FAM83B: variants seen among roughly 807,000 people sequenced by gnomAD.
The protein encoded by FAM83B is protein FAM83B.
In FAM83B, 26 loss-of-function variants were observed where a neutral mutation model predicts 38.8. The observed-to-expected ratio is 0.67, with a 90% CI of 0.49 to 0.93. The LOEUF is 0.93. Among genes scored for constraint, FAM83B ranks in the 40% least tolerant of loss-of-function variants. The probability of loss-of-function intolerance (pLI) is 0.00; values close to 1 mark genes in which losing one functional copy is unlikely to be tolerated. For missense variants in FAM83B, 1,237 were observed against 1,197.3 expected (o/e 1.03, Z -0.49); for synonymous variants, 419 against 423.1 (o/e 0.99, Z 0.12).
At chr6:54,875,891 G>T (rs1036881059) in intron 2 of FAM83B, among the ~76,000 whole-genome samples, 1 of 152,112 alleles carries the variant, frequency 6.6e-6, no homozygotes, top group Admixed American at 6.5e-5. Flanking sequence ...CAAACTCGTG[G>T]TGCTATACAG....
At chr6:54,878,988 G>A (rs534767411) in intron 2 of FAM83B, among the ~76,000 whole-genome samples, 3 of 152,266 alleles carry the variant, frequency 2.0e-5, no homozygotes, top group Admixed American at 6.5e-5. Context: ...AACATAAGAC[G>A]ACTTCAACAT....
At chr6:54,915,021 A>G (rs1431514772) in intron 2 of FAM83B, among the ~76,000 whole-genome samples, 1 of 152,016 alleles carries the variant, frequency 6.6e-6, no homozygotes, top group Non-Finnish European at 1.5e-5. Flanking sequence ...GATGCCACTG[A>G]TATCTTCTAT....
chr6:54,864,818 A>G (rs1771663378), intron 1 of FAM83B, among the ~76,000 whole-genome samples: 1 of 152,192 alleles, frequency 6.6e-6, no homozygotes, highest in Non-Finnish European at 1.5e-5. Context: ...CCTTTATGAA[A>G]CATTTTCTTA....
Position 54,849,974 on chromosome 6 carries a change from T to C in FAM83B, c.-61+3148T>C, listed in dbSNP as rs545681948. Reference sequence around the variant, plus strand: ...TTATCTAATGGCTCTAACTTTGTGCTCTTTTACACTATCCCTTTGATTAAA... The same window carrying C: ...TTATCTAATGGCTCTAACTTTGTGCCCTTTTACACTATCCCTTTGATTAAA... On this transcript the variant is annotated intron_variant, in intron 1 of 4. Transcript: ENST00000306858. 8.5e-5 allele frequency among the ~76,000 whole-genome samples: 13 copies of C among 152,308 alleles called. No individual in the cohort carries two copies. The South Asian group carries it at 2.5e-3, about 29-fold the overall frequency.
chr6:54,869,849 A>G lies in FAM83B; in HGVS notation c.-60-338A>G, dbSNP rs577449856. Among the ~76,000 whole-genome samples, 95 of 152,328 alleles carry G rather than the reference A, an allele frequency of 6.2e-4. No individual in the cohort carries two copies. In the Middle Eastern group the frequency reaches 0.01, roughly 16 times the overall value. On this transcript the variant is annotated intron_variant, in intron 1 of 4. Coordinates refer to ENST00000306858, the MANE Select transcript of FAM83B (RefSeq NM_001010872.3). ...AAGACCAGTGTTTTGTGCTCTTAACATTACATCTAGCATATTCTGTATGCC... is the reference window on the plus strand; with the variant it reads ...AAGACCAGTGTTTTGTGCTCTTAACGTTACATCTAGCATATTCTGTATGCC...
At chr6:54,853,620 A>G (rs1771364553) in intron 1 of FAM83B, among the ~76,000 whole-genome samples, 1 of 152,140 alleles carries the variant, frequency 6.6e-6, no homozygotes, top group African/African-American at 2.4e-5. Context: ...TTTTAAGCCT[A>G]CTGTTGAGAC....
chr6:54,936,685 C>T (rs1194334537), intron 4 of FAM83B, among the ~76,000 whole-genome samples: 1 of 150,492 alleles, frequency 6.6e-6, no homozygotes, highest in Admixed American at 6.6e-5. Context: ...TTCCCTTTTC[C>T]ATATTTCTCC....
At chr6:54,892,658 C>T (rs891818012) in intron 2 of FAM83B, among the ~76,000 whole-genome samples, 2 of 150,584 alleles carry the variant, frequency 1.3e-5, no homozygotes, top group Non-Finnish European at 3.0e-5. Flanking sequence ...CAAAAATACT[C>T]TTCTCCATCT....
chr6:54,878,497 T>C (rs1433806938), intron 2 of FAM83B, among the ~76,000 whole-genome samples: 1 of 152,146 alleles, frequency 6.6e-6, no homozygotes, highest in African/African-American at 2.4e-5. Context: ...CAAAGTGACA[T>C]TTCAGCCAAG....
rs759812852 is a variant in FAM83B at position 54,940,168 on chromosome 6, C to T, written c.1197C>T (p.Tyr399=). Residue 399 remains tyrosine, a synonymous_variant, in exon 5 of 5, where the codon TAC becomes TAT. Transcript: ENST00000306858. The part of the protein sequence containing the change: ...YAGEQPETVP[Y]LLLNRALNRT... ...GGGAACAGCCAGAAACAGTGCCATA[C>T]CTCCTGCTTAATAGGGCTCTGAATA... The T allele has an allele frequency of 1.6e-5, 26 of 1,613,886 alleles. No individual in the cohort carries two copies. Among genetic ancestry groups the T allele is most frequent in the Non-Finnish European group, 2.2e-5 (26 of 1,179,990 alleles).
In FAM83B at chr6:54,921,357, T is replaced by TATATATTACCTACA. The variant is rs1301146543; in HGVS notation, c.445-5014_445-5013insATATATTACCTACA. 1.8e-3 allele frequency among the ~76,000 whole-genome samples: 277 copies of TATATATTACCTACA among 151,974 alleles called. 4 individuals are homozygous for TATATATTACCTACA. In the East Asian group the frequency reaches 0.042, roughly 23 times the overall value. The stretch of plus-strand genomic sequence containing the variant: ...CTATATATGTAATATATACTGTAGG[T>TATATATTACCTACA]GTCCTCCGGGGTCTGGGTCACTTTG... On this transcript the variant is annotated intron_variant, in intron 2 of 4. Transcript: ENST00000306858.
chr6:54,867,187 A>G (rs544509414), intron 1 of FAM83B, among the ~76,000 whole-genome samples: 58 of 151,468 alleles, frequency 3.8e-4, no homozygotes, highest in Non-Finnish European at 6.0e-4. Context: ...TATTTTTTAT[A>G]TATATATTTA....
chr6:54,896,489 G>A (rs1772538577), intron 2 of FAM83B, among the ~76,000 whole-genome samples: 1 of 152,098 alleles, frequency 6.6e-6, no homozygotes, highest in Non-Finnish European at 1.5e-5. Flanking sequence ...ACCCACATCA[G>A]ATTATAAGTA....
intron 2 of FAM83B, among the ~76,000 whole-genome samples, chr6:54,888,409 T>G (rs757746922): frequency 1.2e-4 from 19 of 152,002 alleles, no homozygotes; most frequent in Non-Finnish European, 2.5e-4. Context: ...AAGAATTCCC[T>G]TTAGGATTGC....
At chr6:54,849,384 G>A (rs1771212512) in intron 1 of FAM83B, among the ~76,000 whole-genome samples, 1 of 152,028 alleles carries the variant, frequency 6.6e-6, no homozygotes, top group East Asian at 1.9e-4. Context: ...CCTGAGACAA[G>A]AGCTGGGGGA....
At chr6:54,866,385 C>T (rs1043695997) in intron 1 of FAM83B, among the ~76,000 whole-genome samples, 13 of 151,960 alleles carry the variant, frequency 8.6e-5, no homozygotes, top group Non-Finnish European at 1.8e-4. Context: ...AATACTGTAT[C>T]GTAACCAATA....
rs74903405 is a variant in FAM83B at position 54,932,931 on chromosome 6, G to T, written c.734+5299G>T. On this transcript the variant is annotated intron_variant, in intron 4 of 4. Transcript: ENST00000306858. ...ACAGGTCTGATTATAATGTGTCTTG[G>T]TGTAATTCTTTTTGGATTTATCCCA... is the stretch of plus-strand genomic sequence containing the variant. 3.1e-4 allele frequency among the ~76,000 whole-genome samples: 47 copies of T among 152,156 alleles called. 1 individual carries two copies. In the East Asian group the frequency reaches 6.0e-3, roughly 19 times the overall value.
intron 1 of FAM83B, among the ~76,000 whole-genome samples, chr6:54,854,343 A>T (rs915635532): frequency 6.6e-6 from 1 of 152,232 alleles, no homozygotes; most frequent in African/African-American, 2.4e-5. Context: ...GCTGTTAAAC[A>T]ACATTGCATG....
chr6:54,941,820 C>G lies in FAM83B; in HGVS notation c.2849C>G (p.Thr950Arg). The change falls in exon 5 of 5, where the codon ACA (threonine) becomes AGA (arginine). Residue 950 changes from threonine (T) to arginine (R), a missense_variant. Thr to Arg is a moderately conservative substitution (Grantham distance 71). Coordinates refer to ENST00000306858, the MANE Select transcript of FAM83B (RefSeq NM_001010872.3). ...FCKIESSIQP[T>R]SNMPNTSINR... ...AAGATTGAGAGCTCTATTCAGCCAA[C>G]AAGCAACATGCCAAATACCAGTATA... 1 of 1,613,802 alleles carries G rather than the reference C, an allele frequency of 6.2e-7. No homozygotes were observed. The highest frequency in any genetic ancestry group is 1.1e-5 in the South Asian group (1 of 91,054).
Sources: allele counts gnomAD v4.1 joint callset (sites outside exome capture counted in the v4.1 genomes callset), GRCh38; gene constraint gnomAD v4.1.1; transcripts MANE v1.5; gene names NCBI Gene and HGNC (gene_info 2026-07-23, HGNC 2026-07-21).